Variants in ZZEF1 observed in about 807,000 individuals in gnomAD.
ZZEF1 encodes zinc finger ZZ-type and EF-hand domain containing 1.
In ZZEF1, 157 loss-of-function variants were observed where a neutral mutation model predicts 342.8. That is an observed-to-expected ratio of 0.46 (90% CI 0.40 to 0.52). The LOEUF (loss-of-function observed/expected upper bound fraction) is 0.52. Among genes scored for constraint, ZZEF1 ranks in the 20% least tolerant of loss-of-function variants. ZZEF1 has a pLI of 0.00. For missense variants in ZZEF1, 3,480 were observed against 3,725.6 expected (o/e 0.93, Z 1.72); for synonymous variants, 1,505 against 1,429.1 (o/e 1.05, Z -1.20).
chr17:4,113,470 A>G (rs910625352), intron 4 of ZZEF1, among the ~76,000 whole-genome samples: 4 of 152,200 alleles, frequency 2.6e-5, no homozygotes, highest in Non-Finnish European at 5.9e-5. Flanking sequence ...GCTTGAGACC[A>G]GCCTGCCAAC....
In ZZEF1 at chr17:4,075,106, T is replaced by G; in HGVS notation, c.3474A>C (p.Lys1158Asn). ...TGGGACTATCACTCACCTTGGGCCA[T>G]TTATCAGTGCCAACTTTTGTGTCAT... is the stretch of plus-strand genomic sequence containing the variant. Reference protein sequence around the residue: ...TRYDTKVGTDKWPKKVTFKAG... With the variant: ...TRYDTKVGTDNWPKKVTFKAG... Residue 1158 changes from lysine to asparagine, a missense_variant, in exon 23 of 55, where the codon AAA becomes AAC. By Grantham distance (94) the Lys-to-Asn change is moderately conservative (BLOSUM62 0). Coordinates refer to ENST00000381638, the MANE Select transcript of ZZEF1 (RefSeq NM_015113.4). 2.5e-6 allele frequency: 4 copies of G among 1,614,224 alleles called. No individual in the cohort carries two copies. The highest frequency in any genetic ancestry group is 3.4e-6 in the Non-Finnish European group (4 of 1,180,040).
At chr17:4,029,739 T>C (rs1308375835) in intron 42 of ZZEF1, among the ~76,000 whole-genome samples, 4 of 151,746 alleles carry the variant, frequency 2.6e-5, no homozygotes, top group Non-Finnish European at 5.9e-5. Flanking sequence ...CCGGGCATAG[T>C]GGCATGTGCC....
Position 4,016,424 on chromosome 17 carries a change from C to G in ZZEF1, c.8044G>C (p.Gly2682Arg). Residue 2682 changes from glycine (G) to arginine (R), a missense_variant, in exon 49 of 55, where the codon GGG becomes CGG. By Grantham distance (125) the Gly-to-Arg change is moderately radical. This residue lies in a region of ZZEF1 where 1,269 missense variants were observed against 1,342.4 expected (regional missense o/e 0.95). Transcript: ENST00000381638. This position sits in a 1 kb window ranked among gnomAD's most constrained non-coding sequence, Gnocchi z 4.4. ...TGGCATGCAGCCAGGGCCATGGTCCCCAGCATGTCCTCTCGGCAGCCCTGG... is the reference window on the plus strand; with the variant it reads ...TGGCATGCAGCCAGGGCCATGGTCCGCAGCATGTCCTCTCGGCAGCCCTGG... ...VLQGCREDML[G>R]TMALAACQFM... 6.2e-7 allele frequency: 1 copy of G among 1,613,968 alleles called. No individual in the cohort carries two copies. Among genetic ancestry groups the G allele is most frequent in the Non-Finnish European group, 8.5e-7 (1 of 1,180,000 alleles).
At chr17:4,051,108 G>A in intron 35 of ZZEF1, 65 bp from the exon 36 acceptor site, 1 of 1,611,352 alleles carries the variant, frequency 6.2e-7, no homozygotes, top group Non-Finnish European at 8.5e-7. Flanking sequence ...CCAAACAGGA[G>A]CACAGGGCCT....
rs1024078684 is a variant in ZZEF1 at position 4,017,567 on chromosome 17, G to A, written c.7805C>T (p.Ala2602Val). Residue 2602 changes from alanine (A) to valine (V), a missense_variant, in exon 48 of 55, where the codon GCT (alanine) becomes GTT (valine). Coordinates refer to ENST00000381638, the MANE Select transcript of ZZEF1 (RefSeq NM_015113.4). The surrounding 1 kb of genome is among the most constrained non-coding windows in gnomAD (Gnocchi z 5.1). ...CACTCGGAAGAGGTAGTCCCGGACA[G>A]CCCTCTTACTCTTGCAGTTCAGCTC... ...HKELNCKSKRAVRDYLFRVNE... is the reference protein window; with the variant it reads ...HKELNCKSKRVVRDYLFRVNE... The A allele has an allele frequency of 2.5e-6, 4 of 1,614,274 alleles. No individual in the cohort carries two copies. The highest frequency in any genetic ancestry group is 3.4e-6 in the Non-Finnish European group (4 of 1,180,048).
At chr17:4,094,635 C>G (rs1388992131) in intron 11 of ZZEF1, among the ~76,000 whole-genome samples, 2 of 152,206 alleles carry the variant, frequency 1.3e-5, no homozygotes, top group Non-Finnish European at 2.9e-5. Context: ...ATCTTCCCCA[C>G]AAACCTGTTT....
intron 1 of ZZEF1, among the ~76,000 whole-genome samples, chr17:4,136,341 C>T (rs1300065764): frequency 2.5e-5 from 1 of 39,408 alleles, no homozygotes; most frequent in Admixed American, 2.4e-4. Context: ...GAGACTCCGT[C>T]TCAAAAAAAA....
In ZZEF1 at chr17:4,006,624, C is replaced by T; in HGVS notation, c.*266G>A. ...GTGACAGCCTCTGGAGAAGGCTGGT[C>T]TCTGAACCTTCTTAAGGGCCCCCTG... On this transcript the variant is annotated 3_prime_UTR_variant, in exon 55 of 55. Coordinates refer to ENST00000381638, the MANE Select transcript of ZZEF1 (RefSeq NM_015113.4). 2.0e-6 allele frequency: 1 copy of T among 506,266 alleles called. No homozygotes were observed. Among genetic ancestry groups the T allele is most frequent in the South Asian group, 2.0e-5 (1 of 48,962 alleles). 31.4% of individuals were successfully genotyped at this position (506,266 alleles called of 1,614,324 possible).
rs779915751 is a variant in ZZEF1, at chr17:4,123,904, C to T, written c.499+3G>A. ...TAAGACAGCACCTAGATGGAAGCCT[C>T]ACCTGGAACCAGAGAGCAGGCCTGT... On this transcript the variant is annotated splice_donor_region_variant and intron_variant, in intron 2 of 54. Transcript: ENST00000381638. 5 of 1,612,158 alleles carry T rather than the reference C, an allele frequency of 3.1e-6. No individual in the cohort carries two copies. The South Asian group carries it at 4.4e-5, about 14-fold the overall frequency.
intron 18 of ZZEF1, among the ~76,000 whole-genome samples, chr17:4,079,593 T>C (rs1230157074): frequency 6.6e-6 from 1 of 152,028 alleles, no homozygotes; most frequent in Non-Finnish European, 1.5e-5. Context: ...TAGAGCATAG[T>C]TTTTTAATTA....
intron 1 of ZZEF1, among the ~76,000 whole-genome samples, chr17:4,134,539 G>A (rs1363721450): frequency 6.6e-6 from 1 of 151,918 alleles, no homozygotes; most frequent in African/African-American, 2.4e-5. Context: ...CGAGAACTAA[G>A]AGTATAAACT....
At position 4,081,463 on chromosome 17, in the gene ZZEF1, A is replaced by G; in HGVS notation, c.2742T>C (p.Leu914=). 1 of 1,614,086 alleles carries G rather than the reference A, an allele frequency of 6.2e-7. No individual in the cohort carries two copies. The highest frequency in any genetic ancestry group is 2.2e-5 in the East Asian group (1 of 44,886). Residue 914 remains leucine (L), a synonymous_variant, in exon 18 of 55, where the codon CTT becomes CTC. Transcript: ENST00000381638. ...FSDKDPGGLL[L]LPEKNDLAKM... is the part of the protein sequence containing the mutation. ...TGGCCAGGTCGTTCTTCTCAGGTAA[A>G]AGAAGAAGGCCGCCTGGATCCTTGT...
chr17:4,115,106 C>T (rs946194075), intron 3 of ZZEF1, among the ~76,000 whole-genome samples: 4 of 152,058 alleles, frequency 2.6e-5, no homozygotes, highest in South Asian at 4.2e-4. Flanking sequence ...ACCGCAGCCT[C>T]GATCTCCTAG....
chr17:4,060,382 T>A (rs768491582), intron 30 of ZZEF1, among the ~76,000 whole-genome samples: 4 of 152,166 alleles, frequency 2.6e-5, no homozygotes, highest in African/African-American at 9.6e-5. Flanking sequence ...CTGGCCAACA[T>A]GGGGAAACCC....
intron 16 of ZZEF1, among the ~76,000 whole-genome samples, chr17:4,083,133 G>T (rs1170409443): frequency 6.6e-6 from 1 of 152,110 alleles, no homozygotes; most frequent in African/African-American, 2.4e-5. Context: ...AGCTCTTAAG[G>T]GTATGGTATC....
At chr17:4,027,001 C>T (rs1328458923) in intron 42 of ZZEF1, among the ~76,000 whole-genome samples, 2 of 152,124 alleles carry the variant, frequency 1.3e-5, no homozygotes, top group Admixed American at 6.6e-5. Flanking sequence ...TCACGTCCCC[C>T]CACAAAACTA....
chr17:4,119,263 G>C (rs2123841), intron 2 of ZZEF1, among the ~76,000 whole-genome samples: 25,462 of 152,166 alleles, frequency 0.17, 2,195 homozygotes, highest in East Asian at 0.18. Flanking sequence ...ATATTCATCC[G>C]TCTTCTGCAC....
intron 35 of ZZEF1, 28 bp from the exon 36 acceptor site, chr17:4,051,071 T>C: frequency 1.2e-6 from 2 of 1,613,914 alleles, no homozygotes; most frequent in Non-Finnish European, 8.5e-7. Context: ...ATTTAAAGCT[T>C]ACAACCCTCC....
intron 21 of ZZEF1, chr17:4,076,137 C>CTTTTTTTTTTTTTTTTTTTTTTTTTT (rs549589021): frequency 8.2e-6 from 1 of 122,190 alleles, no homozygotes; most frequent in Non-Finnish European, 1.7e-5. Flanking sequence ...CGTCTCCTTT[C>CTTTTTTTTTTTTTTTTTTTTTTTTTT]TTTTTTTTTT....
Sources: allele counts gnomAD v4.1 joint callset (sites outside exome capture counted in the v4.1 genomes callset), GRCh38; gene constraint gnomAD v4.1.1; regional missense constraint gnomAD v4.1.1; non-coding constraint Gnocchi (gnomAD v3.1); transcripts MANE v1.5; gene names NCBI Gene and HGNC (gene_info 2026-07-23, HGNC 2026-07-21).